PACSIN2: variants seen among roughly 807,000 people sequenced by gnomAD.
PACSIN2 encodes the protein protein kinase C and casein kinase substrate in neurons protein 2.
A neutral mutation model predicts 63.8 loss-of-function variants in PACSIN2; 25 were observed. The ratio of observed to expected loss-of-function variants is 0.39; its 90% CI spans 0.29 to 0.55. The LOEUF is 0.55. Among genes scored for constraint, PACSIN2 ranks in the 20% least tolerant of loss-of-function variants. The pLI, the probability that PACSIN2 is intolerant of heterozygous loss-of-function variation, is 0.62. For synonymous variants in PACSIN2, 255 were observed against 256.2 expected, an observed-to-expected ratio of 1.00 and a Z score of 0.05; for missense variants, 518 against 646.9, an observed-to-expected ratio of 0.80 and a Z score of 2.16.
At chr22:42,976,684 G>A (rs946329921) in intron 1 of PACSIN2, among the ~76,000 whole-genome samples, 8 of 152,212 alleles carry the variant, frequency 5.3e-5, no homozygotes, top group South Asian at 2.1e-4. Context: ...ATGTGATACA[G>A]TGAATTGTGA....
intron 8 of PACSIN2, among the ~76,000 whole-genome samples, chr22:42,878,524 A>G (rs1335440730): frequency 6.6e-6 from 1 of 152,234 alleles, no homozygotes; most frequent in East Asian, 1.9e-4. Context: ...TCTCATTTTC[A>G]GCCAATGACT....
At chr22:43,012,170 C>CATACATACATACA (rs1569380106) in intron 1 of PACSIN2, among the ~76,000 whole-genome samples, 1 of 146,682 alleles carries the variant, frequency 6.8e-6, no homozygotes, top group Non-Finnish European at 1.5e-5. Context: ...TACATACATA[C>CATACATACATACA]ATACATACAT....
chr22:42,933,696 T>C lies in PACSIN2; in HGVS notation c.-77-21539A>G, dbSNP rs554614770. 2.6e-5 allele frequency among the ~76,000 whole-genome samples: 4 copies of C among 152,308 alleles called. No individual in the cohort carries two copies. In the South Asian group the frequency reaches 8.3e-4, roughly 32 times the overall value. On this transcript the variant is annotated intron_variant, in intron 1 of 10. Coordinates refer to ENST00000263246, the MANE Select transcript of PACSIN2 (RefSeq NM_001184970.3). ...CGGGGCCCTCACAGCCCCCGCACCC[T>C]GCACCGTCCTTCACAGAACCAGACC...
chr22:42,933,365 C>G (rs1257026684), intron 1 of PACSIN2, among the ~76,000 whole-genome samples: 1 of 152,218 alleles, frequency 6.6e-6, no homozygotes, highest in Admixed American at 6.5e-5. Context: ...CCAGTGACTG[C>G]CAAGCCCAGC....
Position 42,955,843 on chromosome 22 carries a change from C to T in PACSIN2, c.-77-43686G>A, listed in dbSNP as rs544759933. Reference sequence around the variant, plus strand: ...ATAGATACTGGTGATCAGTCTACTACGCCCTGTGCTATTTTTTCTTCATGT... The same window carrying T: ...ATAGATACTGGTGATCAGTCTACTATGCCCTGTGCTATTTTTTCTTCATGT... On this transcript the variant is annotated intron_variant, in intron 1 of 10. Coordinates refer to ENST00000263246, the MANE Select transcript of PACSIN2 (RefSeq NM_001184970.3). Among the ~76,000 whole-genome samples the T allele has an allele frequency of 2.1e-4, 32 of 152,298 alleles. 2 individuals are homozygous for T. The South Asian group carries it at 6.6e-3, about 32-fold the overall frequency.
At chr22:43,012,317 A>AAG (rs1396455451) in intron 1 of PACSIN2, among the ~76,000 whole-genome samples, 1 of 151,122 alleles carries the variant, frequency 6.6e-6, no homozygotes, top group Non-Finnish European at 1.5e-5. Flanking sequence ...CAAAAAAAAA[A>AAG]AAAAAAAAAA....
chr22:42,911,978 T>C, intron 2 of PACSIN2, 43 bp downstream of exon 2: 2 of 1,460,524 alleles, frequency 1.4e-6, no homozygotes, highest in Non-Finnish European at 1.9e-6. Context: ...CAGACACTAT[T>C]GGCCTGGCCA....
At chr22:42,914,152 A>G (rs912143548) in intron 1 of PACSIN2, among the ~76,000 whole-genome samples, 2 of 152,230 alleles carry the variant, frequency 1.3e-5, no homozygotes, top group African/African-American at 4.8e-5. Flanking sequence ...CTCCATAATC[A>G]TAGGGGCAGC....
intron 1 of PACSIN2, among the ~76,000 whole-genome samples, chr22:42,983,464 T>A (rs1173952913): frequency 2.6e-5 from 3 of 116,478 alleles, no homozygotes; most frequent in African/African-American, 1.1e-4. Context: ...CACTCCAGCC[T>A]GGACAACAGA....
chr22:42,921,078 G>A (rs1466315146), intron 1 of PACSIN2, among the ~76,000 whole-genome samples: 1 of 151,906 alleles, frequency 6.6e-6, no homozygotes, highest in Non-Finnish European at 1.5e-5. Context: ...AATGTATTTG[G>A]GCCAGGTGCA....
In PACSIN2 at chr22:42,988,581, G is replaced by C. The variant is rs986184836; in HGVS notation, c.-78+26440C>G. On this transcript the variant is annotated intron_variant, in intron 1 of 10. Coordinates refer to ENST00000263246, the MANE Select transcript of PACSIN2 (RefSeq NM_001184970.3). ...TAACTGCTCCTAACTACAGCAGCTC[G>C]GGAAGAAAATAATGTAGCCACAGGT... 6.6e-5 allele frequency among the ~76,000 whole-genome samples: 10 copies of C among 152,166 alleles called. 1 individual carries two copies. Among genetic ancestry groups the C allele is most frequent in the African/African-American group, 2.4e-4 (10 of 41,422 alleles).
At chr22:42,882,035 G>T in intron 7 of PACSIN2, 149 bp downstream of exon 7, 2 of 878,086 alleles carry the variant, frequency 2.3e-6, no homozygotes, top group Non-Finnish European at 3.6e-6. Context: ...GCCAGAACTT[G>T]GTCTGTACTA....
intron 1 of PACSIN2, among the ~76,000 whole-genome samples, chr22:42,984,066 G>A (rs542488912): frequency 6.7e-6 from 1 of 149,800 alleles, no homozygotes; most frequent in East Asian, 2.0e-4. Flanking sequence ...AACCTCCTGG[G>A]CTCAAGCAAT....
intron 1 of PACSIN2, among the ~76,000 whole-genome samples, chr22:42,997,130 G>A (rs1372966934): frequency 6.6e-6 from 1 of 152,240 alleles, no homozygotes; most frequent in Non-Finnish European, 1.5e-5. Context: ...TCCACACCAG[G>A]CTGGGGGTGT....
chr22:42,996,371 A>C (rs2146911104), intron 1 of PACSIN2, among the ~76,000 whole-genome samples: 1 of 151,974 alleles, frequency 6.6e-6, no homozygotes, highest in Middle Eastern at 3.4e-3. Context: ...ATCACTACTA[A>C]AAATACAAAA....
At chr22:42,957,992 T>C (rs1202768515) in intron 1 of PACSIN2, among the ~76,000 whole-genome samples, 2 of 152,098 alleles carry the variant, frequency 1.3e-5, no homozygotes, top group Non-Finnish European at 2.9e-5. Flanking sequence ...GTACTTGAGG[T>C]AATTCACTAT....
chr22:42,931,202 G>A (rs1452365106), intron 1 of PACSIN2, among the ~76,000 whole-genome samples: 1 of 152,254 alleles, frequency 6.6e-6, no homozygotes, highest in African/African-American at 2.4e-5. Context: ...GCTTACACGA[G>A]GCAATGATAT....
chr22:43,009,827 G>A (rs957778497), intron 1 of PACSIN2, among the ~76,000 whole-genome samples: 42 of 151,330 alleles, frequency 2.8e-4, no homozygotes, highest in African/African-American at 9.5e-4. Flanking sequence ...GGCTTCTTGC[G>A]AGGTCTTTGA....
At chr22:43,012,200 T>TACATACATACAA (rs982351907) in intron 1 of PACSIN2, among the ~76,000 whole-genome samples, 2 of 101,844 alleles carry the variant, frequency 2.0e-5, no homozygotes, top group African/African-American at 4.3e-5. Flanking sequence ...CATACATACA[T>TACATACATACAA]ACAAACATAC....
Sources: allele counts gnomAD v4.1 joint callset (sites outside exome capture counted in the v4.1 genomes callset), GRCh38; gene constraint gnomAD v4.1.1; transcripts MANE v1.5; gene names NCBI Gene and HGNC (gene_info 2026-07-23, HGNC 2026-07-21).